Variants in CAMK1D observed in about 807,000 individuals in gnomAD.
CAMK1D encodes the protein calcium/calmodulin-dependent protein kinase type 1D.
CAMK1D carries 9 observed loss-of-function variants against 47.7 expected under a neutral mutation model. That is an observed-to-expected ratio of 0.19 (90% CI 0.11 to 0.33). CAMK1D has a LOEUF of 0.33. Ranked by LOEUF, CAMK1D falls within the 10% of genes least tolerant of loss-of-function variation. The pLI, the probability that CAMK1D is intolerant of heterozygous loss-of-function variation, is 1.00. For missense variants in CAMK1D, 291 were observed against 488.7 expected (o/e 0.60, Z 3.81); for synonymous variants, 184 against 184.9 (o/e 0.99, Z 0.04).
At chr10:12,763,320 G>T (rs945070759) in intron 4 of CAMK1D, among the ~76,000 whole-genome samples, 2 of 152,196 alleles carry the variant, frequency 1.3e-5, no homozygotes, top group Non-Finnish European at 2.9e-5. Flanking sequence ...ATAGAGAGAG[G>T]ATGATCGTGT....
At chr10:12,571,384 G>C (rs1837318587) in intron 2 of CAMK1D, among the ~76,000 whole-genome samples, 1 of 149,926 alleles carries the variant, frequency 6.7e-6, no homozygotes, top group Non-Finnish European at 1.5e-5. Flanking sequence ...GGGAGGTGGA[G>C]GTTGCAGTGA....
At chr10:12,512,658 G>A (rs1835075004) in intron 1 of CAMK1D, among the ~76,000 whole-genome samples, 1 of 152,184 alleles carries the variant, frequency 6.6e-6, no homozygotes, top group Non-Finnish European at 1.5e-5. Flanking sequence ...CTGATTTCCA[G>A]GTGCCCCTTT....
intron 1 of CAMK1D, among the ~76,000 whole-genome samples, chr10:12,500,521 C>G (rs985880086): frequency 3.3e-4 from 50 of 152,276 alleles, no homozygotes; most frequent in Non-Finnish European, 6.2e-4. Context: ...ATTGCCAGGG[C>G]TGGGTGTCAT....
chr10:12,817,733 C>T (rs926323154), intron 8 of CAMK1D, among the ~76,000 whole-genome samples: 18 of 152,140 alleles, frequency 1.2e-4, no homozygotes, highest in African/African-American at 4.1e-4. Context: ...CTCCGTCACC[C>T]AGGCTGGAGT....
chr10:12,517,315 A>T (rs1318363241), intron 1 of CAMK1D, among the ~76,000 whole-genome samples: 1 of 152,224 alleles, frequency 6.6e-6, no homozygotes, highest in African/African-American at 2.4e-5. Context: ...CAATCATGTT[A>T]TCTGCAAACA....
chr10:12,408,453 G>C, intron 1 of CAMK1D, among the ~76,000 whole-genome samples: 1 of 150,820 alleles, frequency 6.6e-6, no homozygotes, highest in East Asian at 2.0e-4. Context: ...GATTACAGGC[G>C]TGAGCCACCG....
intron 1 of CAMK1D, among the ~76,000 whole-genome samples, chr10:12,491,146 A>AGTGT (rs142610378): frequency 5.5e-4 from 71 of 127,994 alleles, no homozygotes; most frequent in East Asian, 5.3e-3. Flanking sequence ...AGGGTATGAG[A>AGTGT]GTATGTGTGT....
chr10:12,399,046 T>C (rs1839074597), intron 1 of CAMK1D, among the ~76,000 whole-genome samples: 1 of 152,202 alleles, frequency 6.6e-6, no homozygotes, highest in African/African-American at 2.4e-5. Context: ...TTTTCCTTTC[T>C]AGCAGGTCTC....
At chr10:12,774,889 C>G (rs1432858519) in intron 5 of CAMK1D, among the ~76,000 whole-genome samples, 1 of 152,258 alleles carries the variant, frequency 6.6e-6, no homozygotes, top group Non-Finnish European at 1.5e-5. Flanking sequence ...AATACCGTAT[C>G]CTTGAAACAA....
In CAMK1D at chr10:12,814,273, T is replaced by C; in HGVS notation, c.720T>C (p.Phe240=). The part of the protein sequence containing the change: ...FEQILKAEYE[F]DSPYWDDISD... Reference sequence around the variant, plus strand: ...AGATCCTCAAGGCGGAATATGAGTTTGACTCTCCCTACTGGGATGACATCT... The same window carrying C: ...AGATCCTCAAGGCGGAATATGAGTTCGACTCTCCCTACTGGGATGACATCT... Residue 240 remains phenylalanine, a synonymous_variant, in exon 7 of 11, where the codon TTT becomes TTC. Coordinates refer to ENST00000619168, the MANE Select transcript of CAMK1D (RefSeq NM_153498.4). 5 of 1,613,670 alleles carry C rather than the reference T, an allele frequency of 3.1e-6. No homozygotes were observed. The highest frequency in any genetic ancestry group is 2.2e-5 in the East Asian group (1 of 44,856).
At chr10:12,449,209 A>G (rs981168453) in intron 1 of CAMK1D, among the ~76,000 whole-genome samples, 6 of 152,076 alleles carry the variant, frequency 3.9e-5, no homozygotes, top group Non-Finnish European at 8.8e-5. Context: ...CTAGCAAGTT[A>G]CTCTCATTGA....
chr10:12,571,478 A>G (rs1029214242), intron 2 of CAMK1D, among the ~76,000 whole-genome samples: 2 of 151,746 alleles, frequency 1.3e-5, no homozygotes, highest in Non-Finnish European at 2.9e-5. Context: ...AAAAGAAAAA[A>G]AAGAAATAAA....
At chr10:12,809,043 G>T (rs1832491555) in intron 6 of CAMK1D, among the ~76,000 whole-genome samples, 1 of 151,754 alleles carries the variant, frequency 6.6e-6, no homozygotes, top group South Asian at 2.1e-4. Flanking sequence ...CTTGAACCCA[G>T]CAGGCAGAGG....
intron 1 of CAMK1D, among the ~76,000 whole-genome samples, chr10:12,537,272 A>G (rs1460040422): frequency 1.3e-5 from 2 of 152,172 alleles, no homozygotes; most frequent in Non-Finnish European, 2.9e-5. Flanking sequence ...GGGTTTTGCC[A>G]TGTTGGCAAG....
At chr10:12,602,002 A>C (rs1277977027) in intron 2 of CAMK1D, among the ~76,000 whole-genome samples, 3 of 152,208 alleles carry the variant, frequency 2.0e-5, no homozygotes, top group Non-Finnish European at 4.4e-5. Context: ...GGAACCACTC[A>C]TAGTAGATGG....
At chr10:12,549,016 C>T (rs935088681) in intron 1 of CAMK1D, among the ~76,000 whole-genome samples, 1 of 152,136 alleles carries the variant, frequency 6.6e-6, no homozygotes, top group African/African-American at 2.4e-5. Flanking sequence ...CCACCACACG[C>T]TGCTAATTTT....
In CAMK1D at chr10:12,831,854, A is replaced by G. The variant is rs2131147661; in HGVS notation, c.*2967A>G. 1 of 152,300 alleles carries G rather than the reference A, an allele frequency of 6.6e-6. No homozygotes were observed. The highest frequency in any genetic ancestry group is 6.5e-5 in the Admixed American group (1 of 15,300). 9.4% of individuals were successfully genotyped at this position (152,300 alleles called of 1,614,324 possible). Reference sequence around the variant, plus strand: ...AGGTTGTCTTTGCACTGCGCTTGGTATGATTTGTTTTCTTATAAAACAGGA... The same window carrying G: ...AGGTTGTCTTTGCACTGCGCTTGGTGTGATTTGTTTTCTTATAAAACAGGA... On this transcript the variant is annotated 3_prime_UTR_variant, in exon 11 of 11. Transcript: ENST00000619168.
chr10:12,787,415 C>CTTT (rs1291690937), intron 5 of CAMK1D, among the ~76,000 whole-genome samples: 1 of 152,132 alleles, frequency 6.6e-6, no homozygotes, highest in Non-Finnish European at 1.5e-5. Context: ...GGAGGTTGTT[C>CTTT]TTTTAAAGAG....
intron 1 of CAMK1D, among the ~76,000 whole-genome samples, chr10:12,387,849 G>A (rs1004407781): frequency 6.6e-6 from 1 of 152,034 alleles, no homozygotes. Flanking sequence ...CCTCTATCGG[G>A]ATGTAAGTTC....
Sources: gnomAD v4.1 joint callset for allele counts (sites outside exome capture counted in the v4.1 genomes callset) on GRCh38, gnomAD v4.1.1 for gene constraint, MANE v1.5 for transcripts, NCBI Gene and HGNC (gene_info 2026-07-23, HGNC 2026-07-21) for gene names.